DNAJC3: variants seen among roughly 807,000 people sequenced by gnomAD.
DNAJC3 encodes dnaJ homolog subfamily C member 3.
In DNAJC3, 38 loss-of-function variants were observed where a neutral mutation model predicts 68.6. The observed-to-expected ratio is 0.55, with a 90% CI of 0.43 to 0.73. DNAJC3 has a LOEUF of 0.73. Among genes scored for constraint, DNAJC3 ranks in the 30% least tolerant of loss-of-function variants. DNAJC3 has a pLI of 0.00. For synonymous variants in DNAJC3, 203 were observed against 204.0 expected (o/e 1.00, Z 0.04); for missense variants, 526 against 591.9 (o/e 0.89, Z 1.16).
chr13:95,736,142 C>T (rs1357724526), intron 4 of DNAJC3, among the ~76,000 whole-genome samples: 11 of 151,964 alleles, frequency 7.2e-5, no homozygotes, highest in Non-Finnish European at 1.3e-4. Flanking sequence ...AGATATGCGG[C>T]GTTATTTCTG....
chr13:95,763,578 G>A (rs752356128), intron 7 of DNAJC3, 65 bp from the exon 8 acceptor site: 253 of 1,482,758 alleles, frequency 1.7e-4, no homozygotes, highest in Non-Finnish European at 2.2e-4. Flanking sequence ...AAGAGGGGAG[G>A]AGCCTTTCTA....
At chr13:95,761,706 G>T (rs1882827073) in intron 7 of DNAJC3, among the ~76,000 whole-genome samples, 1 of 151,686 alleles carries the variant, frequency 6.6e-6, no homozygotes, top group Non-Finnish European at 1.5e-5. Context: ...TTCACTTGTA[G>T]AATTCTGTCA....
At chr13:95,777,180 C>G (rs1883315875) in intron 9 of DNAJC3, among the ~76,000 whole-genome samples, 1 of 152,116 alleles carries the variant, frequency 6.6e-6, no homozygotes, top group Admixed American at 6.6e-5. Context: ...ATAATAAAGT[C>G]CTTCCCTCAC....
At chr13:95,713,792 C>A (rs561341394) in intron 2 of DNAJC3, among the ~76,000 whole-genome samples, 1 of 152,158 alleles carries the variant, frequency 6.6e-6, no homozygotes, top group East Asian at 1.9e-4. Flanking sequence ...AATAGCAACC[C>A]CTTCTTCCTT....
intron 9 of DNAJC3, among the ~76,000 whole-genome samples, chr13:95,785,120 G>A (rs925620243): frequency 6.6e-6 from 1 of 152,064 alleles, no homozygotes; most frequent in African/African-American, 2.4e-5. Context: ...AGTTCCTTCT[G>A]TTCCCTTTCT....
Position 95,794,648 on chromosome 13 carries a change from G to GCA in DNAJC3, c.*3618_*3619insCA, listed in dbSNP as rs1466958622. ...TTGTTTACAGATGATCTCATTTGCTGAATGATTGATTTAAGAGTAAAATTA... is the reference window on the plus strand; with the variant it reads ...TTGTTTACAGATGATCTCATTTGCTGCAAATGATTGATTTAAGAGTAAAATTA... On this transcript the variant is annotated 3_prime_UTR_variant, in exon 12 of 12. Coordinates refer to ENST00000602402, the MANE Select transcript of DNAJC3 (RefSeq NM_006260.5). 1.3e-5 allele frequency: 2 copies of GCA among 152,180 alleles called. No individual in the cohort carries two copies. Among genetic ancestry groups the GCA allele is most frequent in the African/African-American group, 4.8e-5 (2 of 41,440 alleles). 9.4% of individuals were successfully genotyped at this position (152,180 alleles called of 1,614,324 possible).
At chr13:95,758,448 C>T (rs1697626657) in intron 5 of DNAJC3, among the ~76,000 whole-genome samples, 1 of 149,894 alleles carries the variant, frequency 6.7e-6, no homozygotes, top group African/African-American at 2.5e-5. Context: ...CTAGCCTGGC[C>T]AACATGGCAA....
intron 9 of DNAJC3, among the ~76,000 whole-genome samples, chr13:95,764,361 CTCTCTCTCTCTCTCTA>C (rs935469647): frequency 2.1e-5 from 3 of 140,178 alleles, no homozygotes; most frequent in African/African-American, 9.0e-5. Flanking sequence ...CTCTCTCTCT[CTCTCTCTCTCTCTCTA>C]TATATATATA....
At position 95,725,205 on chromosome 13, in the gene DNAJC3, C is replaced by T. The variant is rs141729675; in HGVS notation, c.346C>T (p.Leu116Phe). ...AAGATTACAGAGAGGTCACTTATTA[C>T]TCAAACAAGGAAAACTTGATGAAGC... ...AARLQRGHLL[L>F]KQGKLDEAED... Residue 116 changes from leucine (L) to phenylalanine (F), a missense_variant, in exon 4 of 12, where the codon CTC becomes TTC. Coordinates refer to ENST00000602402, the MANE Select transcript of DNAJC3 (RefSeq NM_006260.5). The T allele has an allele frequency of 5.7e-6, 9 of 1,592,620 alleles. No homozygotes were observed. In the African/African-American group the frequency reaches 1.1e-4, roughly 19 times the overall value.
At chr13:95,704,851 G>GTGTTTTTTT (rs1555323371) in intron 1 of DNAJC3, among the ~76,000 whole-genome samples, 3 of 97,860 alleles carry the variant, frequency 3.1e-5, no homozygotes. Context: ...GTGTGTGTGT[G>GTGTTTTTTT]TTTTTTTTTT....
At chr13:95,710,501 G>A (rs991723307) in intron 2 of DNAJC3, among the ~76,000 whole-genome samples, 1 of 152,134 alleles carries the variant, frequency 6.6e-6, no homozygotes, top group African/African-American at 2.4e-5. Context: ...AGAGTGTTGA[G>A]ATTGTATGCA....
intron 4 of DNAJC3, among the ~76,000 whole-genome samples, chr13:95,735,689 T>G (rs1324901022): frequency 6.7e-6 from 1 of 149,968 alleles, no homozygotes; most frequent in African/African-American, 2.5e-5. Context: ...TCTTGTAAAT[T>G]TGTTTGAGTT....
chr13:95,779,822 T>C (rs1332635521), intron 9 of DNAJC3, among the ~76,000 whole-genome samples: 2 of 152,186 alleles, frequency 1.3e-5, no homozygotes, highest in Admixed American at 1.3e-4. Context: ...ATTCAGAAAA[T>C]AGTATGCTTT....
Position 95,778,633 on chromosome 13 carries a change from A to G in DNAJC3, c.1076-7306A>G, listed in dbSNP as rs188223815. Among the ~76,000 whole-genome samples the G allele has an allele frequency of 1.8e-4, 28 of 152,360 alleles. No homozygotes were observed. The East Asian group carries it at 5.4e-3, about 29-fold the overall frequency. On this transcript the variant is annotated intron_variant, in intron 9 of 11. Coordinates refer to ENST00000602402, the MANE Select transcript of DNAJC3 (RefSeq NM_006260.5). The stretch of plus-strand genomic sequence containing the variant: ...TCTACTTACATGGAATATCTAAAGT[A>G]GTTAACACCCTTAAAAAGAGAAAAT...
At chr13:95,702,026 A>G (rs113394357) in intron 1 of DNAJC3, among the ~76,000 whole-genome samples, 3 of 152,198 alleles carry the variant, frequency 2.0e-5, no homozygotes, top group African/African-American at 7.2e-5. Flanking sequence ...TCCAACCATT[A>G]ATCCTTTAAA....
Position 95,723,348 on chromosome 13 carries a change from G to C in DNAJC3, c.300G>C (p.Leu100Phe). 1 of 1,612,276 alleles carries C rather than the reference G, an allele frequency of 6.2e-7. No individual in the cohort carries two copies. Among genetic ancestry groups the C allele is most frequent in the South Asian group, 1.1e-5 (1 of 90,836 alleles). Reference sequence around the variant, plus strand: ...CTGATTTAACTAAAGTGATTCAATTGAAGATGGACTTCACTGCAGTAAGTA... The same window carrying C: ...CTGATTTAACTAAAGTGATTCAATTCAAGATGGACTTCACTGCAGTAAGTA... Reference protein sequence around the residue: ...ALPDLTKVIQLKMDFTAARLQ... With the variant: ...ALPDLTKVIQFKMDFTAARLQ... The change falls in exon 3 of 12, where the codon TTG becomes TTC. Residue 100 changes from leucine (L) to phenylalanine (F), a missense_variant. By Grantham distance (22) the Leu-to-Phe change is conservative. Coordinates refer to ENST00000602402, the MANE Select transcript of DNAJC3 (RefSeq NM_006260.5).
In DNAJC3 at chr13:95,792,616, G is replaced by A. The variant is rs927723429; in HGVS notation, c.*1586G>A. The A allele has an allele frequency of 1.3e-5, 2 of 152,150 alleles. No homozygotes were observed. Among genetic ancestry groups the A allele is most frequent in the South Asian group, 2.1e-4 (1 of 4,828 alleles). 9.4% of individuals were successfully genotyped at this position (152,150 alleles called of 1,614,324 possible). A position where few individuals can be genotyped will look rare whatever the true frequency, so the allele number is the denominator to read the frequency against. On this transcript the variant is annotated 3_prime_UTR_variant, in exon 12 of 12. Transcript: ENST00000602402. ...GAGACAAAAATCACATAGTTGAATTGAGCAGAACACTTAAGTGCTTTCTGC... is the reference window on the plus strand; with the variant it reads ...GAGACAAAAATCACATAGTTGAATTAAGCAGAACACTTAAGTGCTTTCTGC...
At position 95,763,863 on chromosome 13, in the gene DNAJC3, T is replaced by C; in HGVS notation, c.985T>C (p.Cys329Arg). ...DEKPVEAIRV[C>R]SEVLQMEPDN... ...GAAGCCTGTTGAAGCTATTAGGGTT[T>C]GTTCTGAAGTTTTACAGATGGAACC... The change falls in exon 9 of 12, where the codon TGT becomes CGT. Residue 329 changes from cysteine to arginine, a missense_variant. Transcript: ENST00000602402. 1 of 1,614,132 alleles carries C rather than the reference T, an allele frequency of 6.2e-7. No individual in the cohort carries two copies. Among genetic ancestry groups the C allele is most frequent in the Non-Finnish European group, 8.5e-7 (1 of 1,179,976 alleles).
In DNAJC3 at chr13:95,787,077, C is replaced by T; in HGVS notation, c.1279C>T (p.Gln427Ter). 1.9e-6 allele frequency: 3 copies of T among 1,613,708 alleles called. No homozygotes were observed. Among genetic ancestry groups the T allele is most frequent in the Non-Finnish European group, 2.5e-6 (3 of 1,179,838 alleles). ...ACTGCAGTGGCACCCAGATAACTTCCAGAATGAAGAAGAAAAGAAAAAAGC... is the reference window on the plus strand; with the variant it reads ...ACTGCAGTGGCACCCAGATAACTTCTAGAATGAAGAAGAAAAGAAAAAAGC... ...LALQWHPDNF[Q>*]NEEEKKKAEK... is the part of the protein sequence containing the mutation. Residue 427 changes from glutamine to a stop codon, truncating the protein, a stop_gained, in exon 11 of 12, where the codon CAG becomes TAG. Transcript: ENST00000602402. LOFTEE classifies it high-confidence loss of function.
Sources: allele counts gnomAD v4.1 joint callset (sites outside exome capture counted in the v4.1 genomes callset), GRCh38; gene constraint gnomAD v4.1.1; transcripts MANE v1.5; gene names NCBI Gene and HGNC (gene_info 2026-07-23, HGNC 2026-07-21).